ARL15: variants seen among roughly 807,000 people sequenced by gnomAD.
The protein encoded by ARL15 is ADP-ribosylation factor-like protein 15.
In ARL15, 19 loss-of-function variants were observed where a neutral mutation model predicts 25.2. The observed-to-expected ratio is 0.75, with a 90% CI of 0.53 to 1.10. The LOEUF is 1.10. Among genes scored for constraint, ARL15 ranks in the 50% least tolerant of loss-of-function variants. The pLI, the probability that ARL15 is intolerant of heterozygous loss-of-function variation, is 0.00. For missense variants in ARL15, 220 were observed against 246.0 expected (o/e 0.89, Z 0.71); for synonymous variants, 94 against 86.8 (o/e 1.08, Z -0.46).
intron 4 of ARL15, among the ~76,000 whole-genome samples, chr5:53,896,516 C>T (rs375633038): frequency 2.0e-5 from 3 of 151,822 alleles, no homozygotes; most frequent in South Asian, 2.1e-4. Flanking sequence ...TCTTTTGAGA[C>T]GGAATCTCAC....
intron 4 of ARL15, among the ~76,000 whole-genome samples, chr5:54,109,148 G>A (rs1752667973): frequency 6.6e-6 from 1 of 151,938 alleles, no homozygotes; most frequent in African/African-American, 2.4e-5. Flanking sequence ...TAACTTTAAT[G>A]TTGACACCCT....
intron 4 of ARL15, among the ~76,000 whole-genome samples, chr5:54,086,903 C>T (rs527716593): frequency 1.6e-4 from 25 of 152,076 alleles, no homozygotes; most frequent in Non-Finnish European, 2.2e-4. Flanking sequence ...ATGGGAGAGA[C>T]GAGGAATTTA....
chr5:54,040,140 C>T (rs557667192), intron 4 of ARL15, among the ~76,000 whole-genome samples: 2 of 152,284 alleles, frequency 1.3e-5, no homozygotes, highest in African/African-American at 2.4e-5. Flanking sequence ...TATTTCTTAT[C>T]TTTACATTTC....
intron 4 of ARL15, among the ~76,000 whole-genome samples, chr5:54,070,418 C>T (rs1240914790): frequency 1.3e-5 from 2 of 151,962 alleles, no homozygotes; most frequent in Admixed American, 1.3e-4. Flanking sequence ...GTTTGGCTCT[C>T]AGTTCAGCCC....
At chr5:54,223,286 T>TA (rs1258974778) in intron 1 of ARL15, among the ~76,000 whole-genome samples, 1 of 152,066 alleles carries the variant, frequency 6.6e-6, no homozygotes, top group Admixed American at 6.6e-5. Flanking sequence ...ACGGCTTGGT[T>TA]AAAAAAGACC....
intron 4 of ARL15, among the ~76,000 whole-genome samples, chr5:53,972,131 T>G (rs1030930964): frequency 6.6e-6 from 1 of 152,174 alleles, no homozygotes; most frequent in African/African-American, 2.4e-5. Flanking sequence ...GCTTAGAATT[T>G]CCTAATAAAT....
chr5:54,196,136 A>G lies in ARL15; in HGVS notation c.49-24208T>C, dbSNP rs555077291. 4.6e-5 allele frequency among the ~76,000 whole-genome samples: 7 copies of G among 152,338 alleles called. No individual in the cohort carries two copies. The East Asian group carries it at 1.2e-3, about 25-fold the overall frequency. On this transcript the variant is annotated intron_variant, in intron 1 of 4. Coordinates refer to ENST00000504924, the MANE Select transcript of ARL15 (RefSeq NM_019087.3). The stretch of plus-strand genomic sequence containing the variant: ...GGTGGCTAAATACATGGTTAATTTT[A>G]AACTATATAGAATTTAGATTTTTAG...
At chr5:54,289,207 T>C (rs530924043) in intron 1 of ARL15, among the ~76,000 whole-genome samples, 1 of 152,284 alleles carries the variant, frequency 6.6e-6, no homozygotes, top group South Asian at 2.1e-4. Context: ...CAATTTCATA[T>C]TTGCATTGAC....
At chr5:54,042,078 C>A (rs930333908) in intron 4 of ARL15, among the ~76,000 whole-genome samples, 2 of 151,118 alleles carry the variant, frequency 1.3e-5, no homozygotes, top group African/African-American at 4.9e-5. Context: ...TCAAGCGATT[C>A]TTCTGTCTCA....
intron 4 of ARL15, among the ~76,000 whole-genome samples, chr5:53,889,615 C>T (rs969184889): frequency 6.6e-6 from 1 of 152,204 alleles, no homozygotes; most frequent in South Asian, 2.1e-4. Context: ...CTGGTATCCA[C>T]AGGATTCCAC....
intron 4 of ARL15, among the ~76,000 whole-genome samples, chr5:54,084,258 T>C (rs1365052999): frequency 6.6e-6 from 1 of 152,122 alleles, no homozygotes; most frequent in Non-Finnish European, 1.5e-5. Flanking sequence ...CAGGACACCG[T>C]ATGCTTCAGA....
intron 1 of ARL15, among the ~76,000 whole-genome samples, chr5:54,203,750 A>G (rs1755783052): frequency 6.6e-6 from 1 of 152,144 alleles, no homozygotes; most frequent in Non-Finnish European, 1.5e-5. Context: ...GGAATCACTC[A>G]CTGTTGGTCA....
intron 3 of ARL15, among the ~76,000 whole-genome samples, chr5:54,151,685 C>A (rs1023843747): frequency 6.6e-6 from 1 of 151,934 alleles, no homozygotes. Flanking sequence ...TATATTCACA[C>A]ACAAACATAT....
intron 4 of ARL15, among the ~76,000 whole-genome samples, chr5:54,008,170 T>C (rs1228312652): frequency 1.3e-5 from 2 of 152,304 alleles, no homozygotes; most frequent in East Asian, 1.9e-4. Context: ...TCTGGGCATA[T>C]ATATGAAATT....
At chr5:53,894,525 T>C (rs1282911900) in intron 4 of ARL15, among the ~76,000 whole-genome samples, 1 of 152,252 alleles carries the variant, frequency 6.6e-6, no homozygotes, top group African/African-American at 2.4e-5. Context: ...ATTTTTGGTA[T>C]GCCTTAGGGG....
chr5:54,039,999 C>T (rs1750287586), intron 4 of ARL15, among the ~76,000 whole-genome samples: 2 of 151,958 alleles, frequency 1.3e-5, no homozygotes, highest in East Asian at 1.9e-4. Flanking sequence ...GCATTTATTC[C>T]AATTTCAAAC....
chr5:54,191,358 A>C (rs1374371995), intron 1 of ARL15, among the ~76,000 whole-genome samples: 1 of 152,206 alleles, frequency 6.6e-6, no homozygotes, highest in Non-Finnish European at 1.5e-5. Context: ...TCAGTGTTAC[A>C]AGATGAATAA....
chr5:54,309,870 C>T (rs1286456905), intron 1 of ARL15, among the ~76,000 whole-genome samples: 3 of 152,176 alleles, frequency 2.0e-5, no homozygotes, highest in Non-Finnish European at 4.4e-5. Flanking sequence ...TGTCCCTACT[C>T]AGTCCTGTTC....
chr5:54,068,424 G>A (rs968682360), intron 4 of ARL15, among the ~76,000 whole-genome samples: 1 of 152,126 alleles, frequency 6.6e-6, no homozygotes, highest in Non-Finnish European at 1.5e-5. Flanking sequence ...ATGGAAAATC[G>A]ACCACAACCA....
Sources: allele counts gnomAD v4.1 joint callset (sites outside exome capture counted in the v4.1 genomes callset), GRCh38; gene constraint gnomAD v4.1.1; transcripts MANE v1.5; gene names NCBI Gene and HGNC (gene_info 2026-07-23, HGNC 2026-07-21).